NCALD: variants seen among roughly 807,000 people sequenced by gnomAD.
NCALD encodes the protein neurocalcin delta.
In NCALD, 10 loss-of-function variants were observed where a neutral mutation model predicts 18.6. The observed-to-expected ratio is 0.54, with a 90% confidence interval of 0.33 to 0.91. NCALD has a LOEUF of 0.91. NCALD is among the 40% of genes least tolerant of loss of function. NCALD has a pLI of 0.03. For missense variants in NCALD, 184 were observed against 247.6 expected (o/e 0.74, Z 1.72); for synonymous variants, 88 against 87.4 (o/e 1.01, Z -0.04).
At chr8:101,826,501 A>G (rs918219578) in intron 4 of NCALD, among the ~76,000 whole-genome samples, 1 of 152,242 alleles carries the variant, frequency 6.6e-6, no homozygotes, top group Non-Finnish European at 1.5e-5. Context: ...AGCATCATGC[A>G]TAGTGTAAAC....
At chr8:101,722,478 A>C (rs1051647289) in intron 1 of NCALD, among the ~76,000 whole-genome samples, 9 of 152,164 alleles carry the variant, frequency 5.9e-5, no homozygotes, top group African/African-American at 2.2e-4. Flanking sequence ...TTTAGAATAT[A>C]TCTCTTTGGT....
At position 101,692,791 on chromosome 8, in the gene NCALD, C is replaced by T. The variant is rs759662259; in HGVS notation, c.484G>A (p.Gly162Arg). The T allele has an allele frequency of 3.7e-6, 6 of 1,610,950 alleles. No individual in the cohort carries two copies. The highest frequency in any genetic ancestry group is 2.7e-5 in the African/African-American group (2 of 74,844). The part of the protein sequence containing the change: ...IFRQMDTNRD[G>R]KLSLEEFIRG... ...AAGCAGTGTAGCCCCCGCCTCCTAC[C>T]GTCTCTATTGGTGTCCATCTGGCGG... is the stretch of plus-strand genomic sequence containing the variant. Residue 162 changes from glycine (G) to arginine (R), a missense_variant and splice_region_variant, in exon 3 of 4, where the codon GGA becomes AGA. Transcript: ENST00000220931.
chr8:101,949,191 C>T (rs1021061840), intron 2 of NCALD, among the ~76,000 whole-genome samples: 5 of 152,186 alleles, frequency 3.3e-5, no homozygotes, highest in Non-Finnish European at 5.9e-5. Flanking sequence ...AAAAAGCTTT[C>T]ATTGATCCTT....
chr8:101,806,791 G>A (rs1237642782), intron 4 of NCALD, among the ~76,000 whole-genome samples: 3 of 151,628 alleles, frequency 2.0e-5, no homozygotes, highest in Non-Finnish European at 4.4e-5. Context: ...AAGCATTAAT[G>A]TACACATTAA....
intron 2 of NCALD, among the ~76,000 whole-genome samples, chr8:102,016,242 C>T (rs1822079771): frequency 6.6e-6 from 1 of 152,106 alleles, no homozygotes; most frequent in African/African-American, 2.4e-5. Context: ...AACTCTCTCC[C>T]ACACAAAACA....
chr8:101,728,928 G>A (rs979414198), intron 1 of NCALD, among the ~76,000 whole-genome samples: 2 of 152,246 alleles, frequency 1.3e-5, no homozygotes, highest in Non-Finnish European at 2.9e-5. Context: ...TCAGCCAATG[G>A]AATGTCTAGA....
chr8:101,696,267 C>T (rs1011621260), intron 2 of NCALD, among the ~76,000 whole-genome samples: 1 of 152,182 alleles, frequency 6.6e-6, no homozygotes, highest in African/African-American at 2.4e-5. Flanking sequence ...TGACCTAATC[C>T]TTTCCCTCAT....
intron 4 of NCALD, among the ~76,000 whole-genome samples, chr8:101,857,590 A>C (rs973591729): frequency 5.3e-5 from 8 of 152,206 alleles, no homozygotes; most frequent in African/African-American, 1.7e-4. Flanking sequence ...GAGGAAAAGA[A>C]GGCAGAGATT....
intron 4 of NCALD, among the ~76,000 whole-genome samples, chr8:101,797,528 G>A (rs1183803009): frequency 6.6e-6 from 1 of 152,076 alleles, no homozygotes; most frequent in African/African-American, 2.4e-5. Context: ...CTTTAAAAAT[G>A]AATGTGGAGG....
intron 2 of NCALD, among the ~76,000 whole-genome samples, chr8:102,003,571 C>A (rs1008380725): frequency 7.9e-5 from 12 of 152,160 alleles, no homozygotes; most frequent in Admixed American, 7.8e-4. Flanking sequence ...GGCAGAGACA[C>A]AACAAAAAGA....
At chr8:101,748,582 T>C (rs1810522909) in intron 1 of NCALD, among the ~76,000 whole-genome samples, 1 of 152,194 alleles carries the variant, frequency 6.6e-6, no homozygotes, top group Non-Finnish European at 1.5e-5. Flanking sequence ...TGATTGAGCA[T>C]ATTCCTATAA....
At chr8:101,899,768 A>G (rs1817350952) in intron 3 of NCALD, among the ~76,000 whole-genome samples, 1 of 151,924 alleles carries the variant, frequency 6.6e-6, no homozygotes, top group Non-Finnish European at 1.5e-5. Flanking sequence ...ATTACTGAAC[A>G]CTATTTATCA....
intron 2 of NCALD, among the ~76,000 whole-genome samples, chr8:102,017,144 C>T (rs993140198): frequency 6.6e-5 from 10 of 151,862 alleles, no homozygotes; most frequent in Non-Finnish European, 8.8e-5. Flanking sequence ...GTCTAATATG[C>T]GTATAATTGG....
intron 4 of NCALD, among the ~76,000 whole-genome samples, chr8:101,824,069 T>C (rs761527167): frequency 3.9e-5 from 6 of 152,226 alleles, no homozygotes; most frequent in Non-Finnish European, 7.3e-5. Flanking sequence ...ATCCAGTCAA[T>C]TGTTTCTTTG....
At chr8:101,864,444 C>T (rs901360466) in intron 4 of NCALD, among the ~76,000 whole-genome samples, 42 of 152,064 alleles carry the variant, frequency 2.8e-4, no homozygotes, top group South Asian at 1.5e-3. Context: ...TAAATGCCAA[C>T]GGAGTAAAGG....
At chr8:102,106,387 C>T (rs1825449420) in intron 1 of NCALD, among the ~76,000 whole-genome samples, 1 of 150,270 alleles carries the variant, frequency 6.7e-6, no homozygotes, top group Non-Finnish European at 1.5e-5. Flanking sequence ...CAACAATTTT[C>T]TAAATAGTTA....
At chr8:101,824,473 T>C (rs931419068) in intron 4 of NCALD, among the ~76,000 whole-genome samples, 1 of 151,894 alleles carries the variant, frequency 6.6e-6, no homozygotes, top group Non-Finnish European at 1.5e-5. Flanking sequence ...CTTTAAATTT[T>C]ATTTTATTTT....
intron 2 of NCALD, among the ~76,000 whole-genome samples, chr8:101,955,312 T>C (rs1819582623): frequency 6.6e-6 from 1 of 152,088 alleles, no homozygotes; most frequent in South Asian, 2.1e-4. Context: ...CACTAACTAT[T>C]CTCTTTCGTA....
intron 1 of NCALD, among the ~76,000 whole-genome samples, chr8:101,782,571 T>G (rs1286191651): frequency 6.6e-6 from 1 of 152,158 alleles, no homozygotes; most frequent in Non-Finnish European, 1.5e-5. Context: ...ACCCACCATA[T>G]AGATTATATA....
Sources: allele counts gnomAD v4.1 joint callset (sites outside exome capture counted in the v4.1 genomes callset), GRCh38; gene constraint gnomAD v4.1.1; transcripts MANE v1.5; gene names NCBI Gene and HGNC (gene_info 2026-07-23, HGNC 2026-07-21).